Variants in ADD3 observed in about 807,000 individuals in gnomAD.
ADD3 encodes the protein adducin 3, also known as gamma-adducin.
A neutral mutation model predicts 80.2 loss-of-function variants in ADD3; 25 were observed. That is an observed-to-expected ratio of 0.31 (90% CI 0.23 to 0.44). The LOEUF is 0.44. Ranked by LOEUF, ADD3 falls within the 20% of genes least tolerant of loss-of-function variation. The pLI, the probability that ADD3 is intolerant of heterozygous loss-of-function variation, is 1.00. For missense variants in ADD3, 829 were observed against 847.5 expected, an observed-to-expected ratio of 0.98 and a Z score of 0.27; for synonymous variants, 284 against 289.6, an observed-to-expected ratio of 0.98 and a Z score of 0.20.
intron 1 of ADD3, among the ~76,000 whole-genome samples, chr10:110,022,291 A>G (rs1318029070): frequency 6.6e-6 from 1 of 152,128 alleles, no homozygotes; most frequent in Non-Finnish European, 1.5e-5. Flanking sequence ...TTTTTTCTCC[A>G]TATCTATAAT....
intron 1 of ADD3, among the ~76,000 whole-genome samples, chr10:110,065,492 C>G (rs28616005): frequency 1.8e-4 from 19 of 107,788 alleles, no homozygotes; most frequent in East Asian, 1.3e-3. Flanking sequence ...CTGTCTGTCT[C>G]TCTCTCTCTC....
At chr10:110,009,714 C>G (rs936865551) in intron 1 of ADD3, among the ~76,000 whole-genome samples, 5 of 152,208 alleles carry the variant, frequency 3.3e-5, no homozygotes, top group Non-Finnish European at 5.9e-5. Context: ...ACATTTAACT[C>G]TTCATCTTTC....
intron 1 of ADD3, among the ~76,000 whole-genome samples, chr10:110,047,532 G>C (rs1250805411): frequency 1.3e-5 from 2 of 152,186 alleles, no homozygotes; most frequent in Non-Finnish European, 2.9e-5. Flanking sequence ...TTGAGGCCTA[G>C]ATAATTTTTT....
At chr10:110,060,631 C>T (rs933269341) in intron 1 of ADD3, among the ~76,000 whole-genome samples, 1 of 152,182 alleles carries the variant, frequency 6.6e-6, no homozygotes, top group Non-Finnish European at 1.5e-5. Context: ...AAAATCTTTG[C>T]CACTGGAACA....
At chr10:110,063,844 C>T (rs1843580067) in intron 1 of ADD3, among the ~76,000 whole-genome samples, 1 of 143,990 alleles carries the variant, frequency 6.9e-6, no homozygotes, top group South Asian at 2.2e-4. Flanking sequence ...ACACCCTGCT[C>T]TGGGTTCTCA....
chr10:110,051,872 G>T (rs1313284495), intron 1 of ADD3, among the ~76,000 whole-genome samples: 1 of 152,150 alleles, frequency 6.6e-6, no homozygotes, highest in Non-Finnish European at 1.5e-5. Context: ...GCACGAACAT[G>T]GCTCACTGCA....
At chr10:110,086,987 AC>A (rs1846852027) in intron 1 of ADD3, among the ~76,000 whole-genome samples, 3 of 152,112 alleles carry the variant, frequency 2.0e-5, no homozygotes, top group Admixed American at 1.3e-4. Context: ...ATGTATGTAC[AC>A]ATGGCAAGAA....
intron 1 of ADD3, among the ~76,000 whole-genome samples, chr10:110,031,367 A>G (rs1482934405): frequency 3.3e-5 from 5 of 152,256 alleles, no homozygotes; most frequent in Non-Finnish European, 7.3e-5. Flanking sequence ...AGGTAAAATC[A>G]TGAATCCTCA....
intron 1 of ADD3, among the ~76,000 whole-genome samples, chr10:110,018,526 CAAA>C (rs59949041): frequency 1.2e-4 from 6 of 49,540 alleles, no homozygotes; most frequent in African/African-American, 1.5e-4. Context: ...GACTTTGTCT[CAAA>C]AAAAAAAAAA....
intron 12 of ADD3, among the ~76,000 whole-genome samples, chr10:110,127,309 G>A (rs887501823): frequency 9.9e-5 from 15 of 151,798 alleles, no homozygotes; most frequent in Non-Finnish European, 1.0e-4. Flanking sequence ...AGTTCTTCCC[G>A]AACTTTTTAA....
At chr10:110,048,087 C>T (rs1466292600) in intron 1 of ADD3, among the ~76,000 whole-genome samples, 2 of 152,116 alleles carry the variant, frequency 1.3e-5, no homozygotes, top group Admixed American at 1.3e-4. Context: ...CAGTTTCCCT[C>T]ATCCTGTTCT....
intron 2 of ADD3, among the ~76,000 whole-genome samples, chr10:110,109,223 G>A (rs1489985905): frequency 6.6e-6 from 1 of 151,718 alleles, no homozygotes; most frequent in African/African-American, 2.4e-5. Context: ...GTACCTGGTT[G>A]ATTTTTTTTT....
At chr10:110,038,409 A>T (rs987725861) in intron 1 of ADD3, among the ~76,000 whole-genome samples, 11 of 152,226 alleles carry the variant, frequency 7.2e-5, no homozygotes, top group African/African-American at 2.4e-5. Context: ...TTTAAGAACT[A>T]GAGCTCAAAT....
chr10:110,042,323 G>A (rs960890978), intron 1 of ADD3, among the ~76,000 whole-genome samples: 1 of 152,128 alleles, frequency 6.6e-6, no homozygotes, highest in African/African-American at 2.4e-5. Context: ...AGGGGAGGGT[G>A]TCAGCGAAGG....
intron 1 of ADD3, among the ~76,000 whole-genome samples, chr10:110,095,418 C>G (rs1475556): frequency 0.066 from 10,002 of 152,248 alleles, 563 homozygotes; most frequent in African/African-American, 0.15. Context: ...TTTTCTACCT[C>G]TATAGATTTG....
intron 1 of ADD3, among the ~76,000 whole-genome samples, chr10:110,063,313 T>C (rs527655470): frequency 1.3e-5 from 2 of 152,310 alleles, no homozygotes; most frequent in South Asian, 4.1e-4. Context: ...ATCCATTATA[T>C]TGTTGAGGTG....
chr10:110,033,472 G>T (rs1855291943), intron 1 of ADD3, among the ~76,000 whole-genome samples: 2 of 152,146 alleles, frequency 1.3e-5, no homozygotes, highest in Admixed American at 1.3e-4. Context: ...TTTAGTTTGT[G>T]TTCCATGTAA....
intron 8 of ADD3, among the ~76,000 whole-genome samples, chr10:110,120,667 TGAACTAGA>T (rs1325104116): frequency 6.6e-6 from 1 of 152,116 alleles, no homozygotes; most frequent in Non-Finnish European, 1.5e-5. Flanking sequence ...CCACAATGGT[TGAACTAGA>T]GAGCCCGCAT....
chr10:110,036,615 G>T (rs934913304), intron 1 of ADD3, among the ~76,000 whole-genome samples: 1 of 151,166 alleles, frequency 6.6e-6, no homozygotes, highest in Non-Finnish European at 1.5e-5. Context: ...CTCATGATCC[G>T]CCCGCCTTGG....
Sources: allele counts gnomAD v4.1 joint callset (sites outside exome capture counted in the v4.1 genomes callset), GRCh38; gene constraint gnomAD v4.1.1; transcripts MANE v1.5; gene names NCBI Gene and HGNC (gene_info 2026-07-23, HGNC 2026-07-21).